The following DMAP1 variants were observed in gnomAD, a reference collection of about 807,000 sequenced individuals.
DMAP1 encodes DNA methyltransferase 1 associated protein 1, also known as DNA methyltransferase 1-associated protein 1.
Under a neutral mutation model 52.7 loss-of-function variants are expected in DMAP1, and 26 were observed. The ratio of observed to expected loss-of-function variants is 0.49; its 90% CI spans 0.36 to 0.68. The LOEUF (loss-of-function observed/expected upper bound fraction) is 0.68. Ranked by LOEUF, DMAP1 falls within the 30% of genes least tolerant of loss-of-function variation. The probability of loss-of-function intolerance (pLI) is 0.00; values close to 1 mark genes in which losing one functional copy is unlikely to be tolerated. For synonymous variants in DMAP1, 231 were observed against 246.0 expected (o/e 0.94, Z 0.57); for missense variants, 439 against 625.2 (o/e 0.70, Z 3.18).
chr1:44,215,315 A>G (rs1279482247), intron 3 of DMAP1: 1 of 457,204 alleles, frequency 2.2e-6, no homozygotes, highest in South Asian at 1.5e-5. Context: ...GGTACCTTAC[A>G]TCAGGTAGGT....
In DMAP1 at chr1:44,220,321, G is replaced by C. The variant is rs1557757643; in HGVS notation, c.1344+12G>C. 1 of 1,538,614 alleles carries C rather than the reference G, an allele frequency of 6.5e-7. No homozygotes were observed. Among genetic ancestry groups the C allele is most frequent in the East Asian group, 2.3e-5 (1 of 43,840 alleles). On this transcript the variant is annotated intron_variant, in intron 9 of 9. Coordinates refer to ENST00000372289, the MANE Select transcript of DMAP1 (RefSeq NM_019100.5). ...TCACGCCCAATTCGGTAAGAGTCTG[G>C]ACAGGCTGGGAGGCACGCCTGGGCC...
chr1:44,215,856 A>G (rs1430958342), intron 3 of DMAP1: 1 of 157,742 alleles, frequency 6.3e-6, no homozygotes, highest in Non-Finnish European at 1.4e-5. Flanking sequence ...AGGCAGAGCT[A>G]GATTGGGCTA....
chr1:44,220,513 A>G, intron 9 of DMAP1, 46 bp from the exon 10 acceptor site: 1 of 1,614,160 alleles, frequency 6.2e-7, no homozygotes, highest in Non-Finnish European at 8.5e-7. Context: ...AGCCTGACTC[A>G]GGCCTTGGGG....
chr1:44,220,467 C>T (rs766125191), intron 9 of DMAP1, 92 bp from the exon 10 acceptor site: 52 of 1,606,102 alleles, frequency 3.2e-5, no homozygotes, highest in Non-Finnish European at 3.9e-5. Context: ...GACCAGTGGG[C>T]GTCCTTGTCC....
Position 44,220,160 on chromosome 1 carries a change from G to T in DMAP1, c.1195G>T (p.Ala399Ser), listed in dbSNP as rs774210173. The T allele has an allele frequency of 6.2e-7, 1 of 1,611,666 alleles. No individual in the cohort carries two copies. The highest frequency in any genetic ancestry group is 1.1e-5 in the South Asian group (1 of 90,918). Reference sequence around the variant, plus strand: ...GCTGCGGCACCGTCATGAGGCACTGGCCCGGGCTGGTGTGCTAGGGGGCCC... The same window carrying T: ...GCTGCGGCACCGTCATGAGGCACTGTCCCGGGCTGGTGTGCTAGGGGGCCC... ...QMLRHRHEAL[A>S]RAGVLGGPAT... Residue 399 changes from alanine (A) to serine (S), a missense_variant, in exon 9 of 10, where the codon GCC becomes TCC. This residue lies in a region of DMAP1 where 179 missense variants were observed against 285.9 expected (regional missense o/e 0.63). Coordinates refer to ENST00000372289, the MANE Select transcript of DMAP1 (RefSeq NM_019100.5).
At position 44,218,409 on chromosome 1, in the gene DMAP1, C is replaced by T. The variant is rs1480499686; in HGVS notation, c.492C>T (p.Ser164=). The change falls in exon 4 of 10, where the codon AGC becomes AGT. Residue 164 remains serine (S), a synonymous_variant. Transcript: ENST00000372289. The surrounding 1 kb of genome is among the most constrained non-coding windows in gnomAD (Gnocchi z 5.6). The stretch of plus-strand genomic sequence containing the variant: ...AAACTGACCACCTCTTTGACCTCAG[C>T]CGCCGCTTTGACCTGCGTTTTGTTG... The part of the protein sequence containing the change: ...KAETDHLFDL[S]RRFDLRFVVI... 1 of 1,614,244 alleles carries T rather than the reference C, an allele frequency of 6.2e-7. No homozygotes were observed. The highest frequency in any genetic ancestry group is 1.1e-5 in the South Asian group (1 of 91,090).
At chr1:44,219,980 C>T in intron 8 of DMAP1, 37 bp from the exon 9 acceptor site, 1 of 1,601,720 alleles carries the variant, frequency 6.2e-7, no homozygotes, top group South Asian at 1.1e-5. Context: ...TCTACCACAC[C>T]TGGGCTCTGC....
intron 6 of DMAP1, 46 bp downstream of exon 6, chr1:44,219,287 G>A: frequency 6.3e-7 from 1 of 1,592,448 alleles, no homozygotes; most frequent in South Asian, 1.1e-5. Flanking sequence ...GGGTCACCTG[G>A]CACAAGGCCT....
In DMAP1 at chr1:44,219,458, T is replaced by C; in HGVS notation, c.959T>C (p.Val320Ala). 1 of 1,592,464 alleles carries C rather than the reference T, an allele frequency of 6.3e-7. No individual in the cohort carries two copies. Among genetic ancestry groups the C allele is most frequent in the South Asian group, 1.1e-5 (1 of 87,180 alleles). ...IKFPDFKSAGVTLRSQRMKLP... is the reference protein window; with the variant it reads ...IKFPDFKSAGATLRSQRMKLP... ...TTTCCAGACTTCAAGTCTGCAGGTG[T>C]CACGCTGCGGAGCCAACGGGTACGT... The change falls in exon 7 of 10, where the codon GTC becomes GCC. Residue 320 changes from valine (V) to alanine (A), a missense_variant. By Grantham distance (64) the Val-to-Ala change is moderately conservative (BLOSUM62 0). Coordinates refer to ENST00000372289, the MANE Select transcript of DMAP1 (RefSeq NM_019100.5).
At chr1:44,214,254 C>T (rs1643742924) in intron 1 of DMAP1, 96 bp from the exon 2 acceptor site, 9 of 1,157,144 alleles carry the variant, frequency 7.8e-6, no homozygotes, top group African/African-American at 1.5e-5. Context: ...TGTCATTGAC[C>T]CTGTAGGTGC....
At chr1:44,219,553 G>A in intron 7 of DMAP1, 76 bp downstream of exon 7, 3 of 1,426,396 alleles carry the variant, frequency 2.1e-6, no homozygotes, top group Admixed American at 2.3e-5. Flanking sequence ...AACGCTGCAG[G>A]CAGGTGGGGA....
At chr1:44,214,211 G>A (rs2154314130) in intron 1 of DMAP1, 139 bp from the exon 2 acceptor site, 1 of 804,662 alleles carries the variant, frequency 1.2e-6, no homozygotes, top group Admixed American at 2.1e-5. Flanking sequence ...CCTGGGAGTG[G>A]GTTTCTGTGC....
rs914723661 is a variant in DMAP1, at chr1:44,218,015, C to T, written c.394-296C>T. On this transcript the variant is annotated intron_variant, in intron 3 of 9. Transcript: ENST00000372289. The surrounding 1 kb of genome is among the most constrained non-coding windows in gnomAD (Gnocchi z 5.6). The stretch of plus-strand genomic sequence containing the variant: ...AGTTGACCTTTGGACTCCACAGAAG[C>T]ACTTACATGTGGGCCCCTCACCTTA... 4.0e-6 allele frequency: 2 copies of T among 495,110 alleles called. No homozygotes were observed. Among genetic ancestry groups the T allele is most frequent in the Non-Finnish European group, 3.7e-6 (1 of 270,748 alleles). 30.7% of individuals were successfully genotyped at this position (495,110 alleles called of 1,614,324 possible). A position where few individuals can be genotyped will look rare whatever the true frequency, so the allele number is the denominator to read the frequency against.
In DMAP1 at chr1:44,214,867, G is replaced by A; in HGVS notation, c.362G>A (p.Gly121Asp). 1 of 1,614,178 alleles carries A rather than the reference G, an allele frequency of 6.2e-7. No homozygotes were observed. Among genetic ancestry groups the A allele is most frequent in the Non-Finnish European group, 8.5e-7 (1 of 1,180,030 alleles). ...FFHWRRAAEE[G>D]KDYPFARFNK... ...CACTGGCGACGTGCAGCGGAGGAGG[G>A]CAAGGACTACCCCTTTGCCAGGTTC... The change falls in exon 3 of 10, where the codon GGC becomes GAC. Residue 121 changes from glycine to aspartate, a missense_variant. Gly to Asp is a moderately conservative substitution (Grantham distance 94). Coordinates refer to ENST00000372289, the MANE Select transcript of DMAP1 (RefSeq NM_019100.5).
Position 44,218,665 on chromosome 1 carries a change from C to T in DMAP1, c.630C>T (p.Gly210=). The T allele has an allele frequency of 1.2e-6, 2 of 1,614,052 alleles. No homozygotes were observed. Among genetic ancestry groups the T allele is most frequent in the Non-Finnish European group, 1.7e-6 (2 of 1,179,932 alleles). ...AKLANVRAVP[G]TDLKIPVFDA... ...TTGCCAACGTGCGGGCTGTGCCAGG[C>T]ACAGACCTTAAGATACCAGTATTTG... Residue 210 remains glycine, a synonymous_variant, in exon 5 of 10, where the codon GGC becomes GGT. Transcript: ENST00000372289. This position sits in a 1 kb window ranked among gnomAD's most constrained non-coding sequence, Gnocchi z 5.6.
At chr1:44,219,629 G>A (rs921191310) in intron 7 of DMAP1, 152 bp downstream of exon 7, 6 of 1,152,302 alleles carry the variant, frequency 5.2e-6, no homozygotes, top group Admixed American at 2.3e-5. Flanking sequence ...ATGTGGCCAG[G>A]CTAAGGTCAT....
intron 1 of DMAP1, 86 bp from the exon 2 acceptor site, chr1:44,214,264 C>G (rs987804197): frequency 2.4e-6 from 3 of 1,270,472 alleles, no homozygotes. Flanking sequence ...CCTGTAGGTG[C>G]TGCTTTGTTC....
intron 3 of DMAP1, chr1:44,216,986 G>C (rs1055883082): frequency 6.6e-6 from 1 of 152,060 alleles, no homozygotes; most frequent in Non-Finnish European, 1.5e-5. Flanking sequence ...GATAGTTGGG[G>C]GTAATGATAA....
At chr1:44,217,872 C>G in intron 3 of DMAP1, 1 of 263,258 alleles carries the variant, frequency 3.8e-6, no homozygotes, top group South Asian at 4.5e-5. Context: ...TTGGCAAACT[C>G]TGGGGGAGTG....
Sources: gnomAD v4.1 joint callset for allele counts on GRCh38, gnomAD v4.1.1 for gene constraint, gnomAD v4.1.1 regional missense constraint, Gnocchi (gnomAD v3.1) non-coding constraint, MANE v1.5 for transcripts, NCBI Gene and HGNC (gene_info 2026-07-23, HGNC 2026-07-21) for gene names.